The following ADGB variants were observed in gnomAD, a reference collection of about 807,000 sequenced individuals.
ADGB encodes androglobin.
ADGB carries 172 observed loss-of-function variants against 210.5 expected under a neutral mutation model. The ratio of observed to expected loss-of-function variants is 0.82; its 90% CI spans 0.72 to 0.93. The LOEUF is 0.93. Ranked by LOEUF, ADGB falls within the 40% of genes least tolerant of loss-of-function variation. The probability of loss-of-function intolerance (pLI) is 0.00; values close to 1 mark genes in which losing one functional copy is unlikely to be tolerated. For missense variants in ADGB, 2,025 were observed against 1,964.8 expected, an observed-to-expected ratio of 1.03 and a Z score of -0.58; for synonymous variants, 658 against 662.7, an observed-to-expected ratio of 0.99 and a Z score of 0.11.
At chr6:146,726,379 C>G (rs980033276) in intron 19 of ADGB, among the ~76,000 whole-genome samples, 182 bp downstream of exon 19, 2 of 152,064 alleles carry the variant, frequency 1.3e-5, no homozygotes, top group East Asian at 1.9e-4. Flanking sequence ...CGTGCCACCA[C>G]ACCCTGCAGA....
chr6:146,797,727 G>T (rs1778067393), intron 33 of ADGB, among the ~76,000 whole-genome samples: 1 of 152,036 alleles, frequency 6.6e-6, no homozygotes, highest in Non-Finnish European at 1.5e-5. Flanking sequence ...AGAACACAAA[G>T]GCATAAGAAT....
chr6:146,632,980 C>T (rs1781085265), intron 1 of ADGB, among the ~76,000 whole-genome samples: 1 of 152,028 alleles, frequency 6.6e-6, no homozygotes, highest in African/African-American at 2.4e-5. Context: ...TTAAATACCA[C>T]CTAGATGCTG....
intron 2 of ADGB, among the ~76,000 whole-genome samples, chr6:146,636,053 C>T (rs1404089374): frequency 3.9e-5 from 6 of 152,048 alleles, no homozygotes; most frequent in Non-Finnish European, 5.9e-5. Flanking sequence ...TGGCATGTCC[C>T]TGAGATTGGT....
intron 1 of ADGB, among the ~76,000 whole-genome samples, chr6:146,631,665 A>G (rs567341432): frequency 6.6e-6 from 1 of 152,264 alleles, no homozygotes; most frequent in South Asian, 2.1e-4. Flanking sequence ...GGAAATGAAC[A>G]AAAAATCCAA....
intron 1 of ADGB, among the ~76,000 whole-genome samples, chr6:146,614,195 C>CCTCCCTTCCTT (rs1780753010): frequency 1.8e-5 from 2 of 109,434 alleles, no homozygotes; most frequent in African/African-American, 7.7e-5. Flanking sequence ...CTCCCTCCCT[C>CCTCCCTTCCTT]CCTCCCTTCC....
At chr6:146,677,714 C>T (rs1776104256) in intron 9 of ADGB, among the ~76,000 whole-genome samples, 1 of 152,170 alleles carries the variant, frequency 6.6e-6, no homozygotes, top group African/African-American at 2.4e-5. Flanking sequence ...GTCATTCCAA[C>T]ACATAGAATG....
chr6:146,627,071 G>A (rs1780983358), intron 1 of ADGB, among the ~76,000 whole-genome samples: 1 of 151,736 alleles, frequency 6.6e-6, no homozygotes, highest in African/African-American at 2.4e-5. Context: ...TAAGGTATTT[G>A]AATCTTTTTT....
At chr6:146,673,105 T>C (rs1776038684) in intron 8 of ADGB, among the ~76,000 whole-genome samples, 1 of 152,290 alleles carries the variant, frequency 6.6e-6, no homozygotes, top group East Asian at 1.9e-4. Flanking sequence ...CGTGACAAAA[T>C]GTAGTATTCT....
At position 146,752,529 on chromosome 6, in the gene ADGB, G is replaced by C; in HGVS notation, c.3366-1G>C. On this transcript the variant is annotated splice_acceptor_variant, in intron 26 of 35. Transcript: ENST00000397944. LOFTEE classifies it high-confidence loss of function. The stretch of plus-strand genomic sequence containing the variant: ...ATAATGTTAACTTTTTTTCTTTACA[G>C]GTATTCGGTTAAAGTTCTAACACCA... The C allele has an allele frequency of 6.5e-7, 1 of 1,533,080 alleles. No homozygotes were observed. Among genetic ancestry groups the C allele is most frequent in the South Asian group, 1.2e-5 (1 of 80,344 alleles). The allele number at this position is 1,533,080 out of a possible 1,614,324, so 95.0% of individuals were successfully genotyped here.
chr6:146,768,752 A>G (rs542556667), intron 28 of ADGB, among the ~76,000 whole-genome samples: 1 of 152,314 alleles, frequency 6.6e-6, no homozygotes, highest in East Asian at 1.9e-4. Flanking sequence ...GCAAAATACA[A>G]TAGCAGTGAG....
chr6:146,637,447 A>T (rs1775440982), intron 2 of ADGB, among the ~76,000 whole-genome samples: 1 of 152,062 alleles, frequency 6.6e-6, no homozygotes, highest in Admixed American at 6.6e-5. Flanking sequence ...TAAGCTACGG[A>T]GCAAATGAAT....
intron 33 of ADGB, among the ~76,000 whole-genome samples, chr6:146,798,451 A>C (rs1265307505): frequency 6.6e-6 from 1 of 152,178 alleles, no homozygotes; most frequent in African/African-American, 2.4e-5. Flanking sequence ...AGTTATGAAA[A>C]ACCTACGGTA....
chr6:146,676,260 A>G, intron 8 of ADGB, 53 bp from the exon 9 acceptor site: 4 of 1,426,812 alleles, frequency 2.8e-6, no homozygotes, highest in Non-Finnish European at 2.8e-6. Flanking sequence ...AATAAGAAAT[A>G]TAGTTTGAGA....
intron 27 of ADGB, among the ~76,000 whole-genome samples, chr6:146,763,495 C>T (rs1777527780): frequency 6.6e-6 from 1 of 151,760 alleles, no homozygotes; most frequent in Admixed American, 6.6e-5. Context: ...ATCAGCAGTA[C>T]TTATATGATC....
intron 1 of ADGB, among the ~76,000 whole-genome samples, chr6:146,601,860 C>A (rs1041301519): frequency 6.6e-6 from 1 of 152,160 alleles, no homozygotes; most frequent in Non-Finnish European, 1.5e-5. Flanking sequence ...TCACCATGTG[C>A]TTACTAAATG....
At position 146,641,455 on chromosome 6, in the gene ADGB, A is replaced by G. The variant is rs537514785; in HGVS notation, c.238-3318A>G. ...TGAATAGCCAAGGCAATCCCACGGG[A>G]AAAAAAAAAAAGCTGGAGGAATCAC... On this transcript the variant is annotated intron_variant, in intron 2 of 35. Coordinates refer to ENST00000397944, the MANE Select transcript of ADGB (RefSeq NM_024694.4). Among the ~76,000 whole-genome samples, 382 of 144,572 alleles carry G rather than the reference A, an allele frequency of 2.6e-3. 2 individuals are homozygous for G. Among genetic ancestry groups the G allele is most frequent in the South Asian group, 0.015 (71 of 4,612 alleles). The allele number at this position is 144,572 out of a possible 152,430, so 94.8% of individuals were successfully genotyped here. A position where few individuals can be genotyped will look rare whatever the true frequency, so the allele number is the denominator to read the frequency against.
chr6:146,810,835 CAT>C (rs1373492376), intron 35 of ADGB, among the ~76,000 whole-genome samples: 1 of 152,092 alleles, frequency 6.6e-6, no homozygotes. Flanking sequence ...AGAGTACAAA[CAT>C]GTAGTTATAA....
At chr6:146,720,323 T>C (rs368286758) in intron 16 of ADGB, among the ~76,000 whole-genome samples, 6 of 152,132 alleles carry the variant, frequency 3.9e-5, no homozygotes, top group Admixed American at 3.3e-4. Context: ...TAATTAGATA[T>C]ACATTAATGT....
rs1324247046 is a variant in ADGB at position 146,647,098 on chromosome 6, CA to C, written c.330+2239del. ...AGTGAGAGCCTGTCTCAAAAAAAAA[CA>C]AAAAACAAAAAACAAAAAACAAACA... On this transcript the variant is annotated intron_variant, in intron 3 of 35. Transcript: ENST00000397944. Among the ~76,000 whole-genome samples, 15 of 126,516 alleles carry C rather than the reference CA, an allele frequency of 1.2e-4. 1 individual carries two copies. Among genetic ancestry groups the C allele is most frequent in the South Asian group, 2.5e-4 (1 of 3,982 alleles). 83.0% of individuals were successfully genotyped at this position (126,516 alleles called of 152,430 possible). A position where few individuals can be genotyped will look rare whatever the true frequency, so the allele number is the denominator to read the frequency against.
Sources: allele counts gnomAD v4.1 joint callset (sites outside exome capture counted in the v4.1 genomes callset), GRCh38; gene constraint gnomAD v4.1.1; transcripts MANE v1.5; gene names NCBI Gene and HGNC (gene_info 2026-07-23, HGNC 2026-07-21).